Variants in FYN observed in about 807,000 individuals in gnomAD.
The protein encoded by FYN is tyrosine-protein kinase Fyn.
In FYN, 10 loss-of-function variants were observed where a neutral mutation model predicts 70.2. The observed-to-expected ratio is 0.14, with a 90% CI of 0.09 to 0.24. The LOEUF is 0.24. Ranked by LOEUF, FYN falls within the 10% of genes least tolerant of loss-of-function variation. The pLI is 1.00. For missense variants in FYN, 319 were observed against 673.1 expected (o/e 0.47, Z 5.82); for synonymous variants, 236 against 248.6 (o/e 0.95, Z 0.48).
rs536808609 is a variant in FYN, at chr6:111,700,688, C to T, written c.698-420G>A. On this transcript the variant is annotated intron_variant, in intron 8 of 13. Coordinates refer to ENST00000354650, the MANE Select transcript of FYN (RefSeq NM_002037.5). ...TTTGGGAATGCTGAAAATATCCTTACTAATTTCAAACAGTGGTTTTGGATT... is the reference window on the plus strand; with the variant it reads ...TTTGGGAATGCTGAAAATATCCTTATTAATTTCAAACAGTGGTTTTGGATT... 2.2e-3 allele frequency among the ~76,000 whole-genome samples: 332 copies of T among 152,312 alleles called. 2 individuals carry two copies. Among genetic ancestry groups the T allele is most frequent in the Middle Eastern group, 0.01 (3 of 294 alleles).
At position 111,799,587 on chromosome 6, in the gene FYN, C is replaced by T. The variant is rs1051519718; in HGVS notation, c.-81-18952G>A. Among the ~76,000 whole-genome samples the T allele has an allele frequency of 5.3e-5, 8 of 152,322 alleles. No homozygotes were observed. The East Asian group carries it at 1.5e-3, about 29-fold the overall frequency. ...ACTAATTTCTGACATCTTCCGTCTC[C>T]TTGTGGTCCTTTCATCAAGTAAGGA... is the stretch of plus-strand genomic sequence containing the variant. On this transcript the variant is annotated intron_variant, in intron 2 of 13. Coordinates refer to ENST00000354650, the MANE Select transcript of FYN (RefSeq NM_002037.5).
intron 3 of FYN, among the ~76,000 whole-genome samples, chr6:111,748,987 G>A (rs1257772524): frequency 6.6e-6 from 1 of 152,112 alleles, no homozygotes; most frequent in Non-Finnish European, 1.5e-5. Flanking sequence ...CAAACCAACT[G>A]CACTGCAATA....
rs185293510 is a variant in FYN at position 111,720,372 on chromosome 6, A to G, written c.-11-310T>C. 4.6e-5 allele frequency among the ~76,000 whole-genome samples: 7 copies of G among 152,342 alleles called. No homozygotes were observed. The East Asian group carries it at 7.7e-4, about 17-fold the overall frequency. ...TCTGTAACAGCATACACCTGCCTAC[A>G]GACGGTCCAATCATATTTACCAATT... On this transcript the variant is annotated intron_variant, in intron 3 of 13. Coordinates refer to ENST00000354650, the MANE Select transcript of FYN (RefSeq NM_002037.5).
intron 13 of FYN, among the ~76,000 whole-genome samples, chr6:111,662,249 T>C (rs1797775581): frequency 6.6e-6 from 1 of 152,150 alleles, no homozygotes; most frequent in Admixed American, 6.5e-5. Flanking sequence ...ACTACATCTA[T>C]AGAAAGCAGA....
chr6:111,755,442 T>C (rs188752919), intron 3 of FYN, among the ~76,000 whole-genome samples: 76 of 152,334 alleles, frequency 5.0e-4, no homozygotes, highest in African/African-American at 1.6e-3. Context: ...TGAGAGATTT[T>C]AATAACACCT....
chr6:111,837,637 C>T (rs745787702), intron 2 of FYN, among the ~76,000 whole-genome samples: 2 of 152,242 alleles, frequency 1.3e-5, no homozygotes, highest in Non-Finnish European at 2.9e-5. Flanking sequence ...TCACTGGCAT[C>T]TCTTCATCTA....
intron 2 of FYN, among the ~76,000 whole-genome samples, chr6:111,833,857 T>C (rs1490565888): frequency 6.6e-6 from 1 of 152,184 alleles, no homozygotes; most frequent in African/African-American, 2.4e-5. Flanking sequence ...TGCAGCAGGA[T>C]GCACATTCAA....
At chr6:111,720,119 G>T (rs1800861393) in intron 3 of FYN, 57 bp from the exon 4 acceptor site, 1 of 1,527,476 alleles carries the variant, frequency 6.5e-7, no homozygotes, top group East Asian at 2.3e-5. Flanking sequence ...TTGCTGGGTT[G>T]CTCTACAGTA....
At chr6:111,717,958 T>C (rs1313964514) in intron 4 of FYN, among the ~76,000 whole-genome samples, 5 of 152,244 alleles carry the variant, frequency 3.3e-5, no homozygotes, top group Admixed American at 1.3e-4. Flanking sequence ...TTGGCAACTT[T>C]CCTTCTTTCC....
At chr6:111,847,402 A>G (rs765665138) in intron 1 of FYN, among the ~76,000 whole-genome samples, 18 of 152,226 alleles carry the variant, frequency 1.2e-4, no homozygotes, top group Non-Finnish European at 2.4e-4. Context: ...ATTATCTGCA[A>G]TTTTAGCTGT....
At position 111,744,922 on chromosome 6, in the gene FYN, C is replaced by T. The variant is rs188168603; in HGVS notation, c.-11-24860G>A. On this transcript the variant is annotated intron_variant, in intron 3 of 13. Transcript: ENST00000354650. ...TTATGCAGAGGAGAGGTAGAAAGTACAACCCCGGCAAAGAATATTGTCATG... is the reference window on the plus strand; with the variant it reads ...TTATGCAGAGGAGAGGTAGAAAGTATAACCCCGGCAAAGAATATTGTCATG... 9.9e-5 allele frequency among the ~76,000 whole-genome samples: 15 copies of T among 152,254 alleles called. No individual in the cohort carries two copies. In the East Asian group the frequency reaches 2.7e-3, roughly 27 times the overall value.
intron 2 of FYN, among the ~76,000 whole-genome samples, chr6:111,788,449 T>C (rs996746574): frequency 2.6e-5 from 4 of 152,164 alleles, no homozygotes; most frequent in Non-Finnish European, 5.9e-5. Flanking sequence ...AACACACACT[T>C]GCAGGGCCCA....
At chr6:111,722,559 C>T (rs1425265718) in intron 3 of FYN, among the ~76,000 whole-genome samples, 2 of 152,186 alleles carry the variant, frequency 1.3e-5, no homozygotes. Flanking sequence ...ATGAATTTCA[C>T]TGATCTACTG....
intron 3 of FYN, among the ~76,000 whole-genome samples, chr6:111,749,771 C>A (rs1301308935): frequency 6.6e-6 from 1 of 152,018 alleles, no homozygotes; most frequent in African/African-American, 2.4e-5. Context: ...CAGCACAATG[C>A]TAGATAAAAA....
intron 12 of FYN, among the ~76,000 whole-genome samples, chr6:111,690,062 A>T (rs1047498103): frequency 6.6e-6 from 1 of 152,084 alleles, no homozygotes; most frequent in Non-Finnish European, 1.5e-5. Flanking sequence ...TCTGCAGAGG[A>T]TTTTCCCACT....
intron 5 of FYN, among the ~76,000 whole-genome samples, chr6:111,710,748 A>T (rs1414483718): frequency 1.3e-5 from 2 of 152,224 alleles, no homozygotes; most frequent in African/African-American, 4.8e-5. Flanking sequence ...AGAAGCACCA[A>T]TTCACCTATA....
chr6:111,712,372 T>A (rs1273400783), intron 5 of FYN, among the ~76,000 whole-genome samples: 1 of 152,060 alleles, frequency 6.6e-6, no homozygotes, highest in African/African-American at 2.4e-5. Flanking sequence ...AGCAGCAAAA[T>A]AACAGCAAGG....
chr6:111,761,847 A>T (rs1339692647), intron 3 of FYN, among the ~76,000 whole-genome samples: 1 of 152,170 alleles, frequency 6.6e-6, no homozygotes, highest in Non-Finnish European at 1.5e-5. Context: ...CTTTTAGCAA[A>T]AAAAATGCTC....
intron 2 of FYN, among the ~76,000 whole-genome samples, chr6:111,809,383 C>T (rs1772252466): frequency 6.6e-6 from 1 of 152,176 alleles, no homozygotes; most frequent in Non-Finnish European, 1.5e-5. Flanking sequence ...ATTTACATTT[C>T]CCTGTATCCA....
Sources: gnomAD v4.1 joint callset for allele counts (sites outside exome capture counted in the v4.1 genomes callset) on GRCh38, gnomAD v4.1.1 for gene constraint, MANE v1.5 for transcripts, NCBI Gene and HGNC (gene_info 2026-07-23, HGNC 2026-07-21) for gene names.